Variants in HS6ST3 observed in about 807,000 individuals in gnomAD.
The protein encoded by HS6ST3 is heparan-sulfate 6-O-sulfotransferase 3.
A neutral mutation model predicts 36.7 loss-of-function variants in HS6ST3; 12 were observed. The observed-to-expected ratio is 0.33, with a 90% CI of 0.21 to 0.53. The LOEUF (loss-of-function observed/expected upper bound fraction) is 0.53, where lower values mean the gene tolerates loss of function less well. Among genes scored for constraint, HS6ST3 ranks in the 20% least tolerant of loss-of-function variants. The probability of loss-of-function intolerance (pLI) is 0.95; values close to 1 mark genes in which losing one functional copy is unlikely to be tolerated. For synonymous variants in HS6ST3, 240 were observed against 257.5 expected (o/e 0.93, Z 0.65); for missense variants, 584 against 640.9 (o/e 0.91, Z 0.96).
At chr13:96,205,476 G>A (rs1349775442) in intron 1 of HS6ST3, among the ~76,000 whole-genome samples, 1 of 152,060 alleles carries the variant, frequency 6.6e-6, no homozygotes, top group East Asian at 1.9e-4. Context: ...GACTCATTCT[G>A]TGAGGCTAGC....
chr13:96,413,246 T>A lies in HS6ST3; in HGVS notation c.707+321677T>A, dbSNP rs182486161. On this transcript the variant is annotated intron_variant, in intron 1 of 1. Transcript: ENST00000376705. Reference sequence around the variant, plus strand: ...ATGTTTCATACTGCCATGAGTATTATTTATTGATTAGATAGATTGTTTCTT... The same window carrying A: ...ATGTTTCATACTGCCATGAGTATTAATTATTGATTAGATAGATTGTTTCTT... 2.3e-3 allele frequency among the ~76,000 whole-genome samples: 351 copies of A among 152,352 alleles called. 2 individuals are homozygous for A. The highest frequency in any genetic ancestry group is 3.8e-4 in the Non-Finnish European group (26 of 68,044).
chr13:96,672,529 T>G (rs1466857758), intron 1 of HS6ST3, among the ~76,000 whole-genome samples: 3 of 152,148 alleles, frequency 2.0e-5, no homozygotes, highest in Non-Finnish European at 4.4e-5. Flanking sequence ...AGTGATATCC[T>G]GGAGCTTTCC....
At chr13:96,488,432 G>T (rs1300366844) in intron 1 of HS6ST3, among the ~76,000 whole-genome samples, 3 of 152,070 alleles carry the variant, frequency 2.0e-5, no homozygotes, top group Non-Finnish European at 4.4e-5. Context: ...ACTGGTAGTT[G>T]TATTATATAT....
Position 96,090,541 on chromosome 13 carries a change from C to G in HS6ST3, c.-322C>G, listed in dbSNP as rs1233110271. Among the ~76,000 whole-genome samples, 14 of 146,318 alleles carry G rather than the reference C, an allele frequency of 9.6e-5. No individual in the cohort carries two copies. The highest frequency in any genetic ancestry group is 1.8e-4 in the Non-Finnish European group (12 of 65,802). On this transcript the variant is annotated 5_prime_UTR_variant, in exon 1 of 2. Transcript: ENST00000376705. ...CGCCTGCAAGCCGCCGGCGGGATGC[C>G]GCGCGTCGCCTGAGAGAGCCGCGCC...
At chr13:96,551,124 A>G (rs562471222) in intron 1 of HS6ST3, among the ~76,000 whole-genome samples, 139 of 152,330 alleles carry the variant, frequency 9.1e-4, no homozygotes, top group Middle Eastern at 3.4e-3. Flanking sequence ...AATTCTTTGA[A>G]GCTTCCTGAA....
At chr13:96,526,705 T>G (rs1166427355) in intron 1 of HS6ST3, among the ~76,000 whole-genome samples, 3 of 152,236 alleles carry the variant, frequency 2.0e-5, no homozygotes, top group African/African-American at 4.8e-5. Context: ...TTATTGTTAT[T>G]ACTAGCTAAT....
At chr13:96,219,770 G>A (rs978626267) in intron 1 of HS6ST3, among the ~76,000 whole-genome samples, 3 of 151,854 alleles carry the variant, frequency 2.0e-5, no homozygotes, top group East Asian at 1.9e-4. Flanking sequence ...TGCAACCTCC[G>A]CTTCCGGGGT....
chr13:96,678,668 T>A (rs1299463062), intron 1 of HS6ST3, among the ~76,000 whole-genome samples: 1 of 151,238 alleles, frequency 6.6e-6, no homozygotes, highest in African/African-American at 2.4e-5. Flanking sequence ...AGTGACAGAG[T>A]GAGACTCTAT....
intron 1 of HS6ST3, among the ~76,000 whole-genome samples, chr13:96,096,348 T>G (rs2053790868): frequency 6.6e-6 from 1 of 152,150 alleles, no homozygotes; most frequent in Non-Finnish European, 1.5e-5. Flanking sequence ...TCTGTGATGC[T>G]CACTCTCAGT....
intron 1 of HS6ST3, among the ~76,000 whole-genome samples, chr13:96,446,591 C>G (rs555287204): frequency 6.6e-6 from 1 of 152,304 alleles, no homozygotes; most frequent in South Asian, 2.1e-4. Flanking sequence ...CTGGGTGTCG[C>G]TATTCTTATT....
chr13:96,133,478 A>G (rs1178999301), intron 1 of HS6ST3, among the ~76,000 whole-genome samples: 1 of 151,544 alleles, frequency 6.6e-6, no homozygotes, highest in Non-Finnish European at 1.5e-5. Flanking sequence ...GCAGGAGTGC[A>G]GTGGTGCAAT....
At chr13:96,402,503 A>C (rs773965445) in intron 1 of HS6ST3, among the ~76,000 whole-genome samples, 2 of 152,162 alleles carry the variant, frequency 1.3e-5, no homozygotes, top group African/African-American at 4.8e-5. Context: ...GTATACATCT[A>C]TGTACTCCAC....
At chr13:96,163,606 T>C (rs1452429153) in intron 1 of HS6ST3, among the ~76,000 whole-genome samples, 1 of 152,184 alleles carries the variant, frequency 6.6e-6, no homozygotes, top group African/African-American at 2.4e-5. Context: ...TGTTGAACTA[T>C]AGTGCTCTGT....
chr13:96,137,134 C>T (rs2054006421), intron 1 of HS6ST3, among the ~76,000 whole-genome samples: 1 of 151,982 alleles, frequency 6.6e-6, no homozygotes, highest in Admixed American at 6.6e-5. Flanking sequence ...TTTCATGCCC[C>T]CTTTTAATTG....
chr13:96,264,653 A>G (rs1283549865), intron 1 of HS6ST3, among the ~76,000 whole-genome samples: 2 of 152,204 alleles, frequency 1.3e-5, no homozygotes, highest in Non-Finnish European at 2.9e-5. Context: ...TGTAACTTCT[A>G]TTCAAGCCCT....
At chr13:96,492,140 C>G (rs2055949165) in intron 1 of HS6ST3, among the ~76,000 whole-genome samples, 1 of 152,154 alleles carries the variant, frequency 6.6e-6, no homozygotes, top group Admixed American at 6.5e-5. Context: ...GTGCCAGGTA[C>G]TATGAGCGTG....
chr13:96,483,549 T>C (rs759466051), intron 1 of HS6ST3, among the ~76,000 whole-genome samples: 6 of 152,202 alleles, frequency 3.9e-5, no homozygotes, highest in Non-Finnish European at 5.9e-5. Flanking sequence ...AAAAGAGATG[T>C]TTGGCTTTAT....
At chr13:96,613,528 T>A (rs1214760668) in intron 1 of HS6ST3, among the ~76,000 whole-genome samples, 1 of 152,204 alleles carries the variant, frequency 6.6e-6, no homozygotes, top group Non-Finnish European at 1.5e-5. Flanking sequence ...TGAGTCGACT[T>A]GGATATATTA....
At chr13:96,102,707 C>T (rs2053823788) in intron 1 of HS6ST3, among the ~76,000 whole-genome samples, 1 of 152,080 alleles carries the variant, frequency 6.6e-6, no homozygotes, top group African/African-American at 2.4e-5. Flanking sequence ...TCTTCAACAC[C>T]TATTGATCGG....
Sources: gnomAD v4.1 joint callset for allele counts (sites outside exome capture counted in the v4.1 genomes callset) on GRCh38, gnomAD v4.1.1 for gene constraint, MANE v1.5 for transcripts, NCBI Gene and HGNC (gene_info 2026-07-23, HGNC 2026-07-21) for gene names.